The following DLG2 variants were observed in gnomAD, a reference collection of about 807,000 sequenced individuals.
The protein encoded by DLG2 is discs large MAGUK scaffold protein 2.
A neutral mutation model predicts 132.5 loss-of-function variants in DLG2; 45 were observed. The ratio of observed to expected loss-of-function variants is 0.34; its 90% confidence interval spans 0.27 to 0.44. The LOEUF is 0.44. DLG2 is among the 20% of genes least tolerant of loss of function. The pLI is 1.00. For missense variants in DLG2, 1,045 were observed against 1,196.9 expected (o/e 0.87, Z 1.87); for synonymous variants, 424 against 419.6 (o/e 1.01, Z -0.13).
At chr11:85,600,979 G>A (rs1402599932) in intron 2 of DLG2, among the ~76,000 whole-genome samples, 2 of 152,114 alleles carry the variant, frequency 1.3e-5, no homozygotes, top group African/African-American at 4.8e-5. Flanking sequence ...CCAATTTCAA[G>A]GTACCAACAT....
At chr11:85,496,440 T>G (rs1597928199) in intron 3 of DLG2, among the ~76,000 whole-genome samples, 1 of 152,342 alleles carries the variant, frequency 6.6e-6, no homozygotes, top group Non-Finnish European at 1.5e-5. Context: ...TGAAGCCCAC[T>G]GCAGCTCATC....
chr11:84,599,861 A>T (rs1183186275), intron 6 of DLG2, among the ~76,000 whole-genome samples: 1 of 151,894 alleles, frequency 6.6e-6, no homozygotes, highest in Non-Finnish European at 1.5e-5. Flanking sequence ...GCAAAACCCC[A>T]TCTCTACAAA....
chr11:84,081,203 T>C (rs1184548921), intron 10 of DLG2, among the ~76,000 whole-genome samples: 1 of 152,076 alleles, frequency 6.6e-6, no homozygotes, highest in Non-Finnish European at 1.5e-5. Context: ...CAGGCACATT[T>C]GCATAATCAA....
At chr11:83,482,412 C>A (rs376837286) in intron 22 of DLG2, among the ~76,000 whole-genome samples, 3 of 151,958 alleles carry the variant, frequency 2.0e-5, no homozygotes, top group African/African-American at 7.2e-5. Context: ...GGTGCCTACA[C>A]AATGGGGTTA....
intron 16 of DLG2, among the ~76,000 whole-genome samples, chr11:83,861,711 C>G (rs948612961): frequency 6.6e-6 from 1 of 151,874 alleles, no homozygotes; most frequent in African/African-American, 2.4e-5. Context: ...AGGATAGTTA[C>G]CCGAGGCTGG....
At chr11:84,157,654 A>G (rs1182578575) in intron 9 of DLG2, among the ~76,000 whole-genome samples, 2 of 152,172 alleles carry the variant, frequency 1.3e-5, no homozygotes, top group African/African-American at 4.8e-5. Flanking sequence ...CTCAGTTATG[A>G]TGCCTCAGGA....
At chr11:84,335,530 A>T (rs565134401) in intron 7 of DLG2, among the ~76,000 whole-genome samples, 2 of 152,334 alleles carry the variant, frequency 1.3e-5, no homozygotes, top group East Asian at 3.9e-4. Context: ...ACCCTTGTAA[A>T]GTAATATATA....
intron 6 of DLG2, among the ~76,000 whole-genome samples, chr11:85,108,966 T>C (rs1247562666): frequency 6.6e-6 from 1 of 152,088 alleles, no homozygotes; most frequent in Admixed American, 6.6e-5. Context: ...CAACTGAGCC[T>C]CACATAACTT....
chr11:83,751,239 T>C (rs1426966438), intron 18 of DLG2, among the ~76,000 whole-genome samples: 1 of 152,182 alleles, frequency 6.6e-6, no homozygotes, highest in Non-Finnish European at 1.5e-5. Flanking sequence ...GAGCTGGAAG[T>C]GTGCCCAGTG....
intron 16 of DLG2, among the ~76,000 whole-genome samples, chr11:83,872,678 A>G (rs1219113627): frequency 6.6e-6 from 1 of 152,200 alleles, no homozygotes; most frequent in African/African-American, 2.4e-5. Context: ...CAAATTGCTA[A>G]TAAGCTTTTG....
At chr11:83,832,234 G>A (rs932702795) in intron 17 of DLG2, among the ~76,000 whole-genome samples, 1 of 152,188 alleles carries the variant, frequency 6.6e-6, no homozygotes, top group Non-Finnish European at 1.5e-5. Context: ...TAGATCTTAT[G>A]TTAATTGTTC....
chr11:85,302,387 A>G (rs1465213288), intron 3 of DLG2, among the ~76,000 whole-genome samples: 1 of 152,200 alleles, frequency 6.6e-6, no homozygotes, highest in African/African-American at 2.4e-5. Flanking sequence ...TGCTTCTCAT[A>G]CTAGTCAGGC....
intron 4 of DLG2, among the ~76,000 whole-genome samples, chr11:85,266,271 TGC>T (rs1243800990): frequency 1.3e-5 from 2 of 152,262 alleles, no homozygotes; most frequent in African/African-American, 4.8e-5. Flanking sequence ...CCCTCCCATG[TGC>T]GGTGGATCAT....
At chr11:83,782,186 C>G (rs1395750938) in intron 18 of DLG2, among the ~76,000 whole-genome samples, 1 of 152,184 alleles carries the variant, frequency 6.6e-6, no homozygotes, top group African/African-American at 2.4e-5. Context: ...ATTACCATCT[C>G]TGAATCTAAT....
At chr11:85,309,639 C>T (rs766118297) in intron 3 of DLG2, among the ~76,000 whole-genome samples, 5 of 152,170 alleles carry the variant, frequency 3.3e-5, no homozygotes, top group Non-Finnish European at 7.4e-5. Context: ...CACAACCTGA[C>T]ATCCTCCCTG....
In DLG2 at chr11:84,302,420, C is replaced by T. The variant is rs969419137; in HGVS notation, c.520-51129G>A. 3.9e-5 allele frequency among the ~76,000 whole-genome samples: 6 copies of T among 152,158 alleles called. No individual in the cohort carries two copies. In the East Asian group the frequency reaches 1.2e-3, roughly 29 times the overall value. The stretch of plus-strand genomic sequence containing the variant: ...CAATATGATGTTAATTTTTAAAAAA[C>T]ATTGCAACATGATGCTAATTTTTAA... On this transcript the variant is annotated intron_variant, in intron 7 of 27. Coordinates refer to ENST00000376104, the MANE Select transcript of DLG2 (RefSeq NM_001142699.3).
chr11:84,613,567 T>A (rs984085714), intron 6 of DLG2, among the ~76,000 whole-genome samples: 6 of 152,204 alleles, frequency 3.9e-5, no homozygotes, highest in Non-Finnish European at 7.3e-5. Context: ...ACAGTTATCA[T>A]GGTGCCCTGC....
chr11:83,847,121 T>C (rs2058785803), intron 16 of DLG2, among the ~76,000 whole-genome samples: 1 of 152,128 alleles, frequency 6.6e-6, no homozygotes, highest in South Asian at 2.1e-4. Context: ...TTTTGATAAT[T>C]ATAACAGGAA....
rs375685983 is a variant in DLG2, at chr11:84,118,021, A to T, written c.625-18974T>A. On this transcript the variant is annotated intron_variant, in intron 9 of 27. Coordinates refer to ENST00000376104, the MANE Select transcript of DLG2 (RefSeq NM_001142699.3). ...CAGGCACGTGCCACCACCCTCAGCT[A>T]ATTTTTTGTATTTTTAGTAGAGACG... 2.2e-3 allele frequency among the ~76,000 whole-genome samples: 337 copies of T among 151,542 alleles called. 1 individual carries two copies. The highest frequency in any genetic ancestry group is 7.7e-3 in the African/African-American group (319 of 41,304).
Sources: gnomAD v4.1 joint callset for allele counts (sites outside exome capture counted in the v4.1 genomes callset) on GRCh38, gnomAD v4.1.1 for gene constraint, MANE v1.5 for transcripts, NCBI Gene and HGNC (gene_info 2026-07-23, HGNC 2026-07-21) for gene names.